The following SLIT2 variants were observed in gnomAD, a reference collection of about 807,000 sequenced individuals.
SLIT2 encodes slit guidance ligand 2.
Under a neutral mutation model 185.7 loss-of-function variants are expected in SLIT2, and 41 were observed. The observed-to-expected ratio is 0.22, with a 90% CI of 0.17 to 0.29. The LOEUF (loss-of-function observed/expected upper bound fraction) is 0.29, where lower values mean the gene tolerates loss of function less well. Ranked by LOEUF, SLIT2 falls within the 10% of genes least tolerant of loss-of-function variation. SLIT2 has a pLI of 1.00. For missense variants in SLIT2, 1,571 were observed against 1,909.0 expected (o/e 0.82, Z 3.30); for synonymous variants, 693 against 680.2 (o/e 1.02, Z -0.29).
intron 4 of SLIT2, among the ~76,000 whole-genome samples, chr4:20,395,821 A>C (rs61789407): frequency 0.31 from 47,643 of 151,804 alleles, 7,740 homozygotes; most frequent in Non-Finnish European, 0.37. Context: ...CAAGTATTGA[A>C]AATTTTAAAA....
intron 4 of SLIT2, among the ~76,000 whole-genome samples, chr4:20,457,070 T>A (rs1713155968): frequency 6.6e-6 from 1 of 152,110 alleles, no homozygotes; most frequent in South Asian, 2.1e-4. Flanking sequence ...AGACACCAAG[T>A]ACCTGGTAAA....
At chr4:20,255,198 T>C (rs577937889) in intron 1 of SLIT2, 1 of 370,478 alleles carries the variant, frequency 2.7e-6, no homozygotes, top group Admixed American at 3.5e-5. Context: ...GTGTAAGGGT[T>C]TCGGGCCGTG....
rs1717011341 is a variant in SLIT2, at chr4:20,484,474, A to G, written c.540-1726A>G. ...TATTTTTTGTGACTTAATTCAAATG[A>G]CTTAGAATAGTTCTTATATAATTCA... On this transcript the variant is annotated intron_variant, in intron 6 of 36. Coordinates refer to ENST00000504154, the MANE Select transcript of SLIT2 (RefSeq NM_004787.4). The surrounding 1 kb of genome is among the most constrained non-coding windows in gnomAD (Gnocchi z 4.3). Among the ~76,000 whole-genome samples, 1 of 152,122 alleles carries G rather than the reference A, an allele frequency of 6.6e-6. No individual in the cohort carries two copies. The highest frequency in any genetic ancestry group is 2.4e-5 in the African/African-American group (1 of 41,436).
intron 4 of SLIT2, among the ~76,000 whole-genome samples, chr4:20,433,580 C>T (rs531578919): frequency 6.6e-6 from 1 of 152,064 alleles, no homozygotes; most frequent in African/African-American, 2.4e-5. Flanking sequence ...TATTTTTTGC[C>T]ATTGTATCCT....
intron 9 of SLIT2, 77 bp from the exon 10 acceptor site, chr4:20,510,418 C>T (rs1294836973): frequency 3.3e-6 from 3 of 914,412 alleles, no homozygotes; most frequent in Non-Finnish European, 5.4e-6. Flanking sequence ...TACTTCTTGA[C>T]ATGAATCCTG....
At chr4:20,289,329 A>G (rs1715584368) in intron 4 of SLIT2, among the ~76,000 whole-genome samples, 1 of 152,124 alleles carries the variant, frequency 6.6e-6, no homozygotes, top group African/African-American at 2.4e-5. Context: ...ATGACTATTA[A>G]AAAAAATCTG....
chr4:20,478,391 G>A (rs529260308), intron 5 of SLIT2, among the ~76,000 whole-genome samples: 9 of 152,258 alleles, frequency 5.9e-5, no homozygotes, highest in East Asian at 1.9e-4. Context: ...ATGAAGAAGC[G>A]TATAACCATG....
chr4:20,465,627 T>A (rs1255862160), intron 4 of SLIT2, among the ~76,000 whole-genome samples: 2 of 152,184 alleles, frequency 1.3e-5, no homozygotes, highest in Non-Finnish European at 2.9e-5. Context: ...AAACAAAAAA[T>A]TTCTATTATC....
In SLIT2 at chr4:20,619,487, G is replaced by C. The variant is rs1729930656; in HGVS notation, c.*478G>C. ...CCAGAATTCACAGATAGAACAAATG[G>C]ATGAGAAATATTTCATGCAAAATAT... On this transcript the variant is annotated 3_prime_UTR_variant, in exon 37 of 37. Transcript: ENST00000504154. 1.3e-5 allele frequency: 2 copies of C among 152,274 alleles called. No homozygotes were observed. The highest frequency in any genetic ancestry group is 1.3e-4 in the Admixed American group (2 of 15,264). The allele number at this position is 152,274 out of a possible 1,614,324, so 9.4% of individuals were successfully genotyped here.
chr4:20,617,392 C>T (rs755488780), intron 35 of SLIT2, 47 bp from the exon 36 acceptor site: 45 of 1,546,436 alleles, frequency 2.9e-5, no homozygotes, highest in Non-Finnish European at 4.0e-5. Flanking sequence ...TCATTCTTAC[C>T]TCCTCTTCTG....
intron 4 of SLIT2, among the ~76,000 whole-genome samples, chr4:20,303,570 G>A (rs906893102): frequency 6.6e-6 from 1 of 151,950 alleles, no homozygotes; most frequent in Admixed American, 6.6e-5. Flanking sequence ...CAACCTCTGT[G>A]TTAATAGAAA....
chr4:20,406,211 G>A (rs1726763845), intron 4 of SLIT2, among the ~76,000 whole-genome samples: 1 of 144,148 alleles, frequency 6.9e-6, no homozygotes, highest in South Asian at 2.4e-4. Context: ...AATATTTCTT[G>A]CAGATATCAT....
In SLIT2 at chr4:20,488,939, C is replaced by T. The variant is rs1191714444; in HGVS notation, c.732C>T (p.Gly244=). The change falls in exon 8 of 37, where the codon GGC becomes GGT. Residue 244 remains glycine, a synonymous_variant. Transcript: ENST00000504154. The part of the protein sequence containing the change: ...TQCMGPSHLR[G]HNVAEVQKRE... ...GTATGGGCCCCTCCCACCTGAGAGGCCATAATGTAGCCGAGGTTCAAAAAC... is the reference window on the plus strand; with the variant it reads ...GTATGGGCCCCTCCCACCTGAGAGGTCATAATGTAGCCGAGGTTCAAAAAC... 95 of 1,610,984 alleles carry T rather than the reference C, an allele frequency of 5.9e-5. No individual in the cohort carries two copies. The highest frequency in any genetic ancestry group is 8.0e-5 in the Non-Finnish European group (94 of 1,177,734).
At chr4:20,604,084 T>C (rs1411808442) in intron 33 of SLIT2, among the ~76,000 whole-genome samples, 1 of 152,148 alleles carries the variant, frequency 6.6e-6, no homozygotes, top group African/African-American at 2.4e-5. Flanking sequence ...ACATCGTGCT[T>C]GGCACAGAGT....
At chr4:20,415,194 G>A (rs1245264763) in intron 4 of SLIT2, among the ~76,000 whole-genome samples, 2 of 152,022 alleles carry the variant, frequency 1.3e-5, no homozygotes, top group African/African-American at 4.8e-5. Context: ...GGCGGATCAC[G>A]AGGTCAGGAG....
intron 4 of SLIT2, among the ~76,000 whole-genome samples, chr4:20,338,581 T>G (rs1720701302): frequency 1.3e-5 from 2 of 152,158 alleles, no homozygotes; most frequent in African/African-American, 2.4e-5. Flanking sequence ...TCACCTTTGT[T>G]TCTTGACACA....
intron 4 of SLIT2, among the ~76,000 whole-genome samples, chr4:20,405,131 T>C (rs1726679569): frequency 6.6e-6 from 1 of 151,958 alleles, no homozygotes. Flanking sequence ...TTATAATCTA[T>C]CTACTTGGGT....
chr4:20,544,217 A>C (rs1723062522), intron 21 of SLIT2, among the ~76,000 whole-genome samples: 1 of 152,160 alleles, frequency 6.6e-6, no homozygotes, highest in Non-Finnish European at 1.5e-5. Flanking sequence ...ATAAAAAATA[A>C]AAAAAGAATA....
At chr4:20,356,171 G>A (rs1722307896) in intron 4 of SLIT2, among the ~76,000 whole-genome samples, 1 of 152,054 alleles carries the variant, frequency 6.6e-6, no homozygotes. Flanking sequence ...TAGAACAAAA[G>A]CCAGCATAAG....
Sources: gnomAD v4.1 joint callset for allele counts (sites outside exome capture counted in the v4.1 genomes callset) on GRCh38, gnomAD v4.1.1 for gene constraint, Gnocchi (gnomAD v3.1) non-coding constraint, MANE v1.5 for transcripts, NCBI Gene and HGNC (gene_info 2026-07-23, HGNC 2026-07-21) for gene names.